The following ANKS1A variants were observed in gnomAD, a reference collection of about 807,000 sequenced individuals.
ANKS1A encodes the protein ankyrin repeat and sterile alpha motif domain containing 1A.
A neutral mutation model predicts 120.3 loss-of-function variants in ANKS1A; 55 were observed. The ratio of observed to expected loss-of-function variants is 0.46; its 90% CI spans 0.37 to 0.57. The LOEUF (loss-of-function observed/expected upper bound fraction) is 0.57. Among genes scored for constraint, ANKS1A ranks in the 20% least tolerant of loss-of-function variants. ANKS1A has a pLI of 0.00. For missense variants in ANKS1A, 1,123 were observed against 1,480.3 expected, an observed-to-expected ratio of 0.76 and a Z score of 3.96; for synonymous variants, 590 against 604.7, an observed-to-expected ratio of 0.98 and a Z score of 0.36.
intron 1 of ANKS1A, among the ~76,000 whole-genome samples, chr6:34,950,417 C>T (rs558655245): frequency 9.6e-4 from 146 of 151,898 alleles, no homozygotes; most frequent in African/African-American, 3.1e-3. Context: ...TTAGTAGAGA[C>T]GGGGTTTCAC....
chr6:35,095,594 GAGAAAGAAAGAGAGAAACAACAAA>G (rs1778445368), downstream of ANKS1A, among the ~76,000 whole-genome samples: 2 of 89,690 alleles, frequency 2.2e-5, no homozygotes, highest in African/African-American at 1.1e-4. Flanking sequence ...GAAAGAAAGA[GAGAAAGAAAGAGAGAAACAACAAA>G]AAACAACAAA....
chr6:35,082,900 T>C lies in ANKS1A; in HGVS notation c.2835+84T>C. ...CCTGCGGCCAAGTCCCAGCAGGGAC[T>C]CCACAAAGCCAGGCCCAGGGCTTTT... On this transcript the variant is annotated intron_variant, in intron 18 of 23. Coordinates refer to ENST00000360359, the MANE Select transcript of ANKS1A (RefSeq NM_015245.3). The surrounding 1 kb of genome is among the most constrained non-coding windows in gnomAD (Gnocchi z 4.1). 6.5e-7 allele frequency: 1 copy of C among 1,549,812 alleles called. No individual in the cohort carries two copies. Among genetic ancestry groups the C allele is most frequent in the Non-Finnish European group, 8.7e-7 (1 of 1,150,442 alleles).
At chr6:34,914,745 A>C (rs1456611903) in intron 1 of ANKS1A, among the ~76,000 whole-genome samples, 7 of 152,218 alleles carry the variant, frequency 4.6e-5, no homozygotes, top group Non-Finnish European at 8.8e-5. Context: ...CTTAGAAGGA[A>C]AATTTACCCC....
chr6:34,936,987 A>G (rs977641741), intron 1 of ANKS1A, among the ~76,000 whole-genome samples: 8 of 152,232 alleles, frequency 5.3e-5, no homozygotes, highest in Admixed American at 2.6e-4. Context: ...CAAGAGGCTT[A>G]GAGTCTAGAA....
chr6:35,078,159 T>G (rs549498155), intron 13 of ANKS1A, among the ~76,000 whole-genome samples: 14 of 152,296 alleles, frequency 9.2e-5, no homozygotes, highest in Non-Finnish European at 1.9e-4. Flanking sequence ...CTGAGGTGGT[T>G]GTTACAACCT....
chr6:35,016,237 TG>T (rs2127556870), intron 10 of ANKS1A, among the ~76,000 whole-genome samples: 1 of 152,298 alleles, frequency 6.6e-6, no homozygotes, highest in South Asian at 2.1e-4. Context: ...CTGCACCACC[TG>T]GGGTAACCAC....
chr6:34,901,127 C>A (rs949875954), intron 1 of ANKS1A, among the ~76,000 whole-genome samples: 2 of 151,946 alleles, frequency 1.3e-5, no homozygotes, highest in African/African-American at 4.8e-5. Flanking sequence ...CTGCCAGATG[C>A]ACTACCAGGG....
At chr6:34,948,425 A>G (rs1032493172) in intron 1 of ANKS1A, among the ~76,000 whole-genome samples, 1 of 152,210 alleles carries the variant, frequency 6.6e-6, no homozygotes, top group African/African-American at 2.4e-5. Flanking sequence ...GCTACATAGA[A>G]CTAAAGCAGA....
At chr6:35,088,503 G>C (rs553612798) in intron 23 of ANKS1A, 103 bp from the exon 24 acceptor site, 1 of 1,483,622 alleles carries the variant, frequency 6.7e-7, no homozygotes, top group South Asian at 1.1e-5. Context: ...GGGAGGCTGT[G>C]AGGGATCGTC....
chr6:35,086,043 C>A lies in ANKS1A; in HGVS notation c.3303+107C>A. The A allele has an allele frequency of 1.4e-6, 2 of 1,410,466 alleles. No individual in the cohort carries two copies. The highest frequency in any genetic ancestry group is 1.9e-6 in the Non-Finnish European group (2 of 1,070,726). 87.4% of individuals were successfully genotyped at this position (1,410,466 alleles called of 1,614,324 possible). A position where few individuals can be genotyped will look rare whatever the true frequency, so the allele number is the denominator to read the frequency against. ...TCTTCTGGCACTTCCAGAAAGCTGG[C>A]CCTCCAGGGAAATGACCCTCTTAAT... On this transcript the variant is annotated intron_variant, in intron 22 of 23. Transcript: ENST00000360359. The surrounding 1 kb of genome is among the most constrained non-coding windows in gnomAD (Gnocchi z 5.1).
chr6:35,040,452 C>T (rs1581687552), intron 11 of ANKS1A, among the ~76,000 whole-genome samples: 1 of 152,326 alleles, frequency 6.6e-6, no homozygotes. Flanking sequence ...CAGCTTTTCT[C>T]ACTTATTCCC....
chr6:34,960,562 C>T (rs919893106), intron 1 of ANKS1A, among the ~76,000 whole-genome samples: 19 of 152,184 alleles, frequency 1.2e-4, no homozygotes, highest in African/African-American at 3.9e-4. Context: ...GCACAGTGCC[C>T]GGCATGTCTA....
chr6:35,071,368 G>A (rs1471556978), intron 13 of ANKS1A, among the ~76,000 whole-genome samples: 1 of 152,160 alleles, frequency 6.6e-6, no homozygotes, highest in Non-Finnish European at 1.5e-5. Context: ...ACTTTGTTTC[G>A]GGGCTGCTGT....
At chr6:34,936,711 T>C (rs1737727) in intron 1 of ANKS1A, among the ~76,000 whole-genome samples, 51,394 of 152,062 alleles carry the variant, frequency 0.34, 11,076 homozygotes, top group East Asian at 0.59. Flanking sequence ...ATATTCGGTT[T>C]CCTCACTTTT....
intron 10 of ANKS1A, among the ~76,000 whole-genome samples, chr6:35,006,680 G>A (rs2395602): frequency 0.81 from 123,025 of 152,102 alleles, 50,746 homozygotes; most frequent in Non-Finnish European, 0.9. Context: ...GCATGAACCC[G>A]GGAGGCAGAG....
chr6:34,896,646 T>A (rs900793289), intron 1 of ANKS1A, among the ~76,000 whole-genome samples: 1 of 151,742 alleles, frequency 6.6e-6, no homozygotes, highest in Non-Finnish European at 1.5e-5. Flanking sequence ...CTGGGCAACA[T>A]GGCAAGACCT....
In ANKS1A at chr6:35,035,032, C is replaced by T. The variant is rs149265628; in HGVS notation, c.2010+16973C>T. 1.8e-3 allele frequency among the ~76,000 whole-genome samples: 278 copies of T among 152,344 alleles called. 3 individuals are homozygous for T. Among genetic ancestry groups the T allele is most frequent in the African/African-American group, 5.8e-3 (243 of 41,582 alleles). ...TAAGTGGCAAATGTTGGCTTGGGAACGGCCTCGCCCTGAGTAACAGGAAGA... is the reference window on the plus strand; with the variant it reads ...TAAGTGGCAAATGTTGGCTTGGGAATGGCCTCGCCCTGAGTAACAGGAAGA... On this transcript the variant is annotated intron_variant, in intron 11 of 23. Coordinates refer to ENST00000360359, the MANE Select transcript of ANKS1A (RefSeq NM_015245.3).
chr6:34,915,168 G>A (rs558114160), intron 1 of ANKS1A, among the ~76,000 whole-genome samples: 9 of 152,258 alleles, frequency 5.9e-5, no homozygotes, highest in African/African-American at 4.8e-5. Context: ...TCTACCTGAC[G>A]AGAATATAAA....
chr6:35,032,190 G>A (rs1413965188), intron 11 of ANKS1A, among the ~76,000 whole-genome samples: 1 of 152,232 alleles, frequency 6.6e-6, no homozygotes, highest in Non-Finnish European at 1.5e-5. Context: ...GGCAAGGTGT[G>A]GGAGGTGAGG....
Sources: gnomAD v4.1 joint callset for allele counts (sites outside exome capture counted in the v4.1 genomes callset) on GRCh38, gnomAD v4.1.1 for gene constraint, Gnocchi (gnomAD v3.1) non-coding constraint, MANE v1.5 for transcripts, NCBI Gene and HGNC (gene_info 2026-07-23, HGNC 2026-07-21) for gene names.